The following SHOC2 variants were observed in gnomAD, a reference collection of about 807,000 sequenced individuals.
The protein encoded by SHOC2 is leucine-rich repeat protein SHOC-2.
SHOC2 carries 4 observed loss-of-function variants against 50.2 expected under a neutral mutation model. The ratio of observed to expected loss-of-function variants is 0.08; its 90% CI spans 0.04 to 0.18. SHOC2 has a LOEUF of 0.18. Among genes scored for constraint, SHOC2 ranks in the 10% least tolerant of loss-of-function variants. The pLI is 1.00. For synonymous variants in SHOC2, 218 were observed against 244.5 expected (o/e 0.89, Z 1.01); for missense variants, 388 against 669.6 (o/e 0.58, Z 4.64).
At chr10:110,935,629 T>C (rs1846991270) in intron 1 of SHOC2, among the ~76,000 whole-genome samples, 1 of 152,224 alleles carries the variant, frequency 6.6e-6, no homozygotes. Flanking sequence ...TTTTGAGATC[T>C]AATATGAGAC....
chr10:110,919,643 T>C lies in SHOC2; in HGVS notation c.-249T>C. ...AGGGCGAGCGAGGAGGATGGCGGAG[T>C]CGGGGCTCCTGACGGTAACTCGGGG... On this transcript the variant is annotated 5_prime_UTR_variant, in exon 1 of 9. Coordinates refer to ENST00000369452, the MANE Select transcript of SHOC2 (RefSeq NM_007373.4). The C allele has an allele frequency of 2.5e-6, 1 of 397,430 alleles. No homozygotes were observed. 24.6% of individuals were successfully genotyped at this position (397,430 alleles called of 1,614,324 possible). A position where few individuals can be genotyped will look rare whatever the true frequency, so the allele number is the denominator to read the frequency against.
In SHOC2 at chr10:110,964,788, T is replaced by G; in HGVS notation, c.430T>G (p.Cys144Gly). The change falls in exon 2 of 9, where the codon TGT becomes GGT. Residue 144 changes from cysteine (C) to glycine (G), a missense_variant. Cys to Gly is a radical substitution (Grantham distance 159, BLOSUM62 -3). Around this residue, in one of 5 missense-constraint regions of SHOC2, gnomAD observed 88 missense variants for 147.2 expected, o/e 0.60. Coordinates refer to ENST00000369452, the MANE Select transcript of SHOC2 (RefSeq NM_007373.4). This position sits in a 1 kb window ranked among gnomAD's most constrained non-coding sequence, Gnocchi z 4.9. ...KLQSLPAEVGCLVNLMTLALS... is the reference protein window; with the variant it reads ...KLQSLPAEVGGLVNLMTLALS... Reference sequence around the variant, plus strand: ...GCAGTCCCTCCCAGCAGAGGTGGGATGTTTAGTAAATCTCATGACACTGGC... The same window carrying G: ...GCAGTCCCTCCCAGCAGAGGTGGGAGGTTTAGTAAATCTCATGACACTGGC... 6.2e-7 allele frequency: 1 copy of G among 1,614,122 alleles called. No homozygotes were observed. Among genetic ancestry groups the G allele is most frequent in the Non-Finnish European group, 8.5e-7 (1 of 1,179,962 alleles).
intron 3 of SHOC2, among the ~76,000 whole-genome samples, chr10:110,987,427 TATGTTTCCCTG>T (rs752214728): frequency 2.8e-4 from 42 of 152,146 alleles, no homozygotes; most frequent in Admixed American, 4.6e-4. Flanking sequence ...CGTTAGAATC[TATGTTTCCCTG>T]ATTTTTGGCC....
At chr10:110,922,852 G>A (rs1846682016) in intron 1 of SHOC2, among the ~76,000 whole-genome samples, 1 of 151,968 alleles carries the variant, frequency 6.6e-6, no homozygotes, top group African/African-American at 2.4e-5. Flanking sequence ...GTAGGGATTG[G>A]TATTTTGCTA....
At position 111,005,506 on chromosome 10, in the gene SHOC2, A is replaced by C. The variant is rs144505308; in HGVS notation, c.1161+712A>C. Among the ~76,000 whole-genome samples, 23 of 152,336 alleles carry C rather than the reference A, an allele frequency of 1.5e-4. No homozygotes were observed. The East Asian group carries it at 4.4e-3, about 29-fold the overall frequency. On this transcript the variant is annotated intron_variant, in intron 5 of 8. Transcript: ENST00000369452. ...TTATCAAGTGGAAGAAAGTTAAAGC[A>C]TGTAAAAAATCTCTTCCCACCCAGA...
chr10:110,943,865 G>C (rs1301086242), intron 1 of SHOC2, among the ~76,000 whole-genome samples: 2 of 152,222 alleles, frequency 1.3e-5, no homozygotes, highest in Non-Finnish European at 2.9e-5. Context: ...CTATGGATCA[G>C]TTTTAACAGT....
chr10:110,945,044 T>C (rs529629159), intron 1 of SHOC2, among the ~76,000 whole-genome samples: 1 of 152,374 alleles, frequency 6.6e-6, no homozygotes, highest in Admixed American at 6.5e-5. Context: ...CCCAGTAATA[T>C]GTCAGAGCTT....
intron 1 of SHOC2, among the ~76,000 whole-genome samples, chr10:110,940,910 G>GTTTTTTTTTTTTTTTTTTT (rs539552844): frequency 8.4e-5 from 10 of 119,480 alleles, no homozygotes; most frequent in Non-Finnish European, 1.5e-4. Flanking sequence ...TTTGTGGTGG[G>GTTTTTTTTTTTTTTTTTTT]TTTTTTTTTT....
intron 2 of SHOC2, among the ~76,000 whole-genome samples, chr10:110,985,050 TAAG>T (rs1273134572): frequency 6.6e-6 from 1 of 152,160 alleles, no homozygotes; most frequent in Non-Finnish European, 1.5e-5. Flanking sequence ...AACTGGATAT[TAAG>T]AAGATTATCT....
chr10:110,961,887 C>T (rs1361900267), intron 1 of SHOC2, among the ~76,000 whole-genome samples: 1 of 151,900 alleles, frequency 6.6e-6, no homozygotes, highest in Non-Finnish European at 1.5e-5. Context: ...ATTAAATATA[C>T]TGGTGTTCAG....
intron 3 of SHOC2, among the ~76,000 whole-genome samples, chr10:110,990,903 T>G (rs1429276269): frequency 6.6e-6 from 1 of 152,210 alleles, no homozygotes; most frequent in Non-Finnish European, 1.5e-5. Flanking sequence ...ATGTATATCT[T>G]AGGATATTAA....
chr10:110,926,721 T>C (rs1846783023), intron 1 of SHOC2, among the ~76,000 whole-genome samples: 1 of 152,216 alleles, frequency 6.6e-6, no homozygotes, highest in Non-Finnish European at 1.5e-5. Context: ...TTATTGGATA[T>C]TAGTAAATTT....
At chr10:110,953,180 C>A (rs1190508369) in intron 1 of SHOC2, among the ~76,000 whole-genome samples, 1 of 152,224 alleles carries the variant, frequency 6.6e-6, no homozygotes, top group Admixed American at 6.5e-5. Flanking sequence ...TACATTCCCA[C>A]CAGCAGTTTA....
chr10:111,010,375 A>G (rs943378506), intron 8 of SHOC2, among the ~76,000 whole-genome samples: 1 of 152,200 alleles, frequency 6.6e-6, no homozygotes, highest in Non-Finnish European at 1.5e-5. Flanking sequence ...TAGCTTTTAA[A>G]TTAGTAATTC....
In SHOC2 at chr10:110,923,353, A is replaced by C. The variant is rs184262267; in HGVS notation, c.-235+3696A>C. Among the ~76,000 whole-genome samples, 292 of 152,206 alleles carry C rather than the reference A, an allele frequency of 1.9e-3. 3 individuals are homozygous for C. Among genetic ancestry groups the C allele is most frequent in the Non-Finnish European group, 2.4e-3 (160 of 67,942 alleles). ...AAGTCTGAGAAACTTTTATGTTCTA[A>C]AATATATAATTGAATTATTTTAATA... On this transcript the variant is annotated intron_variant, in intron 1 of 8. Transcript: ENST00000369452.
intron 3 of SHOC2, among the ~76,000 whole-genome samples, chr10:110,996,934 G>T (rs543560054): frequency 1.3e-5 from 2 of 152,160 alleles, no homozygotes; most frequent in African/African-American, 4.8e-5. Context: ...TGCACTTGTC[G>T]AGAGGTGGGT....
chr10:110,963,924 A>G (rs1239174356), intron 1 of SHOC2, among the ~76,000 whole-genome samples: 1 of 152,150 alleles, frequency 6.6e-6, no homozygotes, highest in Non-Finnish European at 1.5e-5. Context: ...ACATCTTCCT[A>G]TTAGATTGCA....
At position 110,945,982 on chromosome 10, in the gene SHOC2, C is replaced by G. The variant is rs564369981; in HGVS notation, c.-234-18143C>G. Among the ~76,000 whole-genome samples, 8 of 152,274 alleles carry G rather than the reference C, an allele frequency of 5.3e-5. No individual in the cohort carries two copies. In the South Asian group the frequency reaches 1.2e-3, roughly 24 times the overall value. On this transcript the variant is annotated intron_variant, in intron 1 of 8. Coordinates refer to ENST00000369452, the MANE Select transcript of SHOC2 (RefSeq NM_007373.4). ...TCTTAAACATCTTGTGGGTTACCATCATATGTCAGTGTTCATCTCTTCCTG... is the reference window on the plus strand; with the variant it reads ...TCTTAAACATCTTGTGGGTTACCATGATATGTCAGTGTTCATCTCTTCCTG...
At chr10:110,922,702 A>G (rs377490456) in intron 1 of SHOC2, among the ~76,000 whole-genome samples, 4 of 152,208 alleles carry the variant, frequency 2.6e-5, no homozygotes, top group South Asian at 4.1e-4. Flanking sequence ...CAACAAAACA[A>G]GTTAACTCAC....
Sources: allele counts gnomAD v4.1 joint callset (sites outside exome capture counted in the v4.1 genomes callset), GRCh38; gene constraint gnomAD v4.1.1; regional missense constraint gnomAD v4.1.1; non-coding constraint Gnocchi (gnomAD v3.1); transcripts MANE v1.5; gene names NCBI Gene and HGNC (gene_info 2026-07-23, HGNC 2026-07-21).